MAGI2: variants seen among roughly 807,000 people sequenced by gnomAD.
MAGI2 encodes membrane-associated guanylate kinase, WW and PDZ domain-containing protein 2.
Under a neutral mutation model 133.3 loss-of-function variants are expected in MAGI2, and 35 were observed. The ratio of observed to expected loss-of-function variants is 0.26; its 90% CI spans 0.20 to 0.35. MAGI2 has a LOEUF of 0.35. MAGI2 is among the 10% of genes least tolerant of loss of function. The probability of loss-of-function intolerance (pLI) is 1.00; values close to 1 mark genes in which losing one functional copy is unlikely to be tolerated. For missense variants in MAGI2, 1,636 were observed against 1,863.4 expected (o/e 0.88, Z 2.25); for synonymous variants, 729 against 710.6 (o/e 1.03, Z -0.41).
intron 6 of MAGI2, among the ~76,000 whole-genome samples, chr7:78,433,474 C>A (rs1799984037): frequency 6.6e-6 from 1 of 152,064 alleles, no homozygotes; most frequent in African/African-American, 2.4e-5. Flanking sequence ...TAGGACCAAT[C>A]TTTCTATCGA....
chr7:79,281,537 GA>G (rs1278724222), intron 1 of MAGI2, among the ~76,000 whole-genome samples: 1 of 30,926 alleles, frequency 3.2e-5, no homozygotes, highest in East Asian at 6.3e-4. Flanking sequence ...AAGTTTAGAA[GA>G]AAAAAAAGAG....
At chr7:79,374,645 G>T (rs900110357) in intron 1 of MAGI2, among the ~76,000 whole-genome samples, 1 of 151,842 alleles carries the variant, frequency 6.6e-6, no homozygotes, top group Non-Finnish European at 1.5e-5. Context: ...GGCAACTTAT[G>T]GGAAATGGAC....
chr7:78,911,211 A>C (rs1472641769), intron 2 of MAGI2, among the ~76,000 whole-genome samples: 1 of 152,230 alleles, frequency 6.6e-6, no homozygotes, highest in African/African-American at 2.4e-5. Context: ...TTTCTAGAAA[A>C]TTCTTTAACA....
At chr7:78,487,802 T>G (rs1359881607) in intron 6 of MAGI2, among the ~76,000 whole-genome samples, 1 of 152,106 alleles carries the variant, frequency 6.6e-6, no homozygotes, top group Non-Finnish European at 1.5e-5. Context: ...TTTATATGTA[T>G]TCCTGCATTC....
intron 2 of MAGI2, among the ~76,000 whole-genome samples, chr7:78,997,209 A>G (rs896611350): frequency 2.3e-4 from 35 of 152,180 alleles, no homozygotes; most frequent in Admixed American, 1.2e-3. Flanking sequence ...TGCATGCAGA[A>G]AAAGCAACTT....
At chr7:78,631,203 T>C (rs1255004268) in intron 2 of MAGI2, among the ~76,000 whole-genome samples, 1 of 152,230 alleles carries the variant, frequency 6.6e-6, no homozygotes, top group Non-Finnish European at 1.5e-5. Flanking sequence ...CCCCTGTTCA[T>C]GCCACCACCA....
intron 2 of MAGI2, among the ~76,000 whole-genome samples, chr7:78,861,988 T>C (rs1024859706): frequency 1.3e-5 from 2 of 152,186 alleles, no homozygotes; most frequent in African/African-American, 2.4e-5. Context: ...TTAAACCAAA[T>C]GTACAAATAA....
chr7:78,732,536 T>G (rs893001912), intron 2 of MAGI2, among the ~76,000 whole-genome samples: 4 of 152,112 alleles, frequency 2.6e-5, no homozygotes, highest in African/African-American at 9.7e-5. Context: ...TAGGATGGAT[T>G]GAAAGAAGAA....
intron 2 of MAGI2, among the ~76,000 whole-genome samples, chr7:78,738,134 T>A (rs1822048413): frequency 6.6e-6 from 1 of 152,088 alleles, no homozygotes; most frequent in Non-Finnish European, 1.5e-5. Flanking sequence ...TATATGCATA[T>A]CTCATATTAA....
At chr7:78,951,528 C>T (rs912004603) in intron 2 of MAGI2, among the ~76,000 whole-genome samples, 1 of 152,082 alleles carries the variant, frequency 6.6e-6, no homozygotes, top group African/African-American at 2.4e-5. Flanking sequence ...TGAAAACTCA[C>T]TCACTATCAC....
At chr7:78,103,426 A>T (rs1361200465) in intron 20 of MAGI2, among the ~76,000 whole-genome samples, 1 of 152,206 alleles carries the variant, frequency 6.6e-6, no homozygotes, top group Non-Finnish European at 1.5e-5. Flanking sequence ...TCCTTCCGAC[A>T]CTTCCCTCTC....
chr7:78,360,468 T>G (rs771969539), intron 7 of MAGI2, among the ~76,000 whole-genome samples: 11 of 152,222 alleles, frequency 7.2e-5, no homozygotes, highest in Non-Finnish European at 1.5e-4. Flanking sequence ...AAGTATGTAA[T>G]GATACAGATT....
intron 6 of MAGI2, among the ~76,000 whole-genome samples, chr7:78,379,795 G>T (rs938173262): frequency 9.9e-5 from 15 of 151,884 alleles, no homozygotes; most frequent in African/African-American, 3.6e-4. Context: ...AAAATTGTTA[G>T]ATTACAAAAA....
intron 1 of MAGI2, among the ~76,000 whole-genome samples, chr7:79,228,049 C>CA (rs1279595362): frequency 2.6e-5 from 4 of 151,846 alleles, no homozygotes; most frequent in South Asian, 2.1e-4. Flanking sequence ...CAAAAGAAAA[C>CA]AAAAACTGCT....
At position 78,884,675 on chromosome 7, in the gene MAGI2, T is replaced by C. The variant is rs1380007423; in HGVS notation, c.418+122415A>G. Among the ~76,000 whole-genome samples the C allele has an allele frequency of 9.2e-5, 14 of 152,240 alleles. No homozygotes were observed. The East Asian group carries it at 2.5e-3, about 27-fold the overall frequency. On this transcript the variant is annotated intron_variant, in intron 2 of 21. Transcript: ENST00000354212. ...TATCAAAAAGACAAAAAATAATAGA[T>C]GCTGGCAAGGCCATGGAGAAAAGGG... is the stretch of plus-strand genomic sequence containing the variant.
intron 16 of MAGI2, among the ~76,000 whole-genome samples, chr7:78,143,156 A>T (rs989923771): frequency 6.6e-6 from 1 of 152,242 alleles, no homozygotes; most frequent in African/African-American, 2.4e-5. Flanking sequence ...AATTTTAGTT[A>T]GTAAAATTGT....
intron 1 of MAGI2, among the ~76,000 whole-genome samples, chr7:79,368,568 G>T (rs1390929988): frequency 6.6e-6 from 1 of 152,080 alleles, no homozygotes; most frequent in Non-Finnish European, 1.5e-5. Flanking sequence ...TCTATTGTAG[G>T]CCAGGCGCGG....
chr7:78,659,379 C>G (rs558127581), intron 2 of MAGI2, among the ~76,000 whole-genome samples: 9 of 122,070 alleles, frequency 7.4e-5, no homozygotes, highest in African/African-American at 1.9e-4. Flanking sequence ...GAGCCGAGAT[C>G]GTGCCACTGC....
At chr7:78,469,611 T>C (rs1028015709) in intron 6 of MAGI2, among the ~76,000 whole-genome samples, 2 of 152,302 alleles carry the variant, frequency 1.3e-5, no homozygotes, top group South Asian at 2.1e-4. Flanking sequence ...CTTTATGAAA[T>C]AGTTAATTTT....
Sources: allele counts gnomAD v4.1 joint callset (sites outside exome capture counted in the v4.1 genomes callset), GRCh38; gene constraint gnomAD v4.1.1; transcripts MANE v1.5; gene names NCBI Gene and HGNC (gene_info 2026-07-23, HGNC 2026-07-21).